The following KLHL8 variants were observed in gnomAD, a reference collection of about 807,000 sequenced individuals.
KLHL8 encodes kelch like family member 8, also known as kelch-like protein 8.
A neutral mutation model predicts 63.5 loss-of-function variants in KLHL8; 38 were observed. That is an observed-to-expected ratio of 0.60 (90% confidence interval 0.46 to 0.78). The LOEUF is 0.78. KLHL8 is among the 30% of genes least tolerant of loss of function. The pLI is 0.00. For missense variants in KLHL8, 566 were observed against 752.4 expected, an observed-to-expected ratio of 0.75 and a Z score of 2.90; for synonymous variants, 224 against 254.3, an observed-to-expected ratio of 0.88 and a Z score of 1.13.
At chr4:87,216,583 G>A (rs1732604250) in intron 1 of KLHL8, among the ~76,000 whole-genome samples, 1 of 152,094 alleles carries the variant, frequency 6.6e-6, no homozygotes, top group African/African-American at 2.4e-5. Context: ...GACCATTTAT[G>A]CTCACGCTAA....
chr4:87,226,835 ATAAT>A lies in KLHL8; in HGVS notation n.58-5449_58-5446del, dbSNP rs1336756545. On this transcript the variant is annotated intron_variant and non_coding_transcript_variant, in intron 1 of 1. Coordinates refer to the KLHL8 transcript ENST00000506274. ...TATATATAATATATATTATTTATAAATAATATATATATTATATATAAATAATATA... is the reference window on the plus strand; with the variant it reads ...TATATATAATATATATTATTTATAAAATATATATTATATATAAATAATATA... Among the ~76,000 whole-genome samples, 20 of 8,654 alleles carry A rather than the reference ATAAT, an allele frequency of 2.3e-3. 7 individuals carry two copies. The highest frequency in any genetic ancestry group is 5.4e-3 in the South Asian group (2 of 368). The allele number at this position is 8,654 out of a possible 152,430, so 5.7% of individuals were successfully genotyped here.
At chr4:87,226,829 T>TTATAAATAATATATATATTATA (rs1733013902) in intron 1 of KLHL8, among the ~76,000 whole-genome samples, 1 of 5,392 alleles carries the variant, frequency 1.9e-4, no homozygotes, top group Non-Finnish European at 2.7e-4. Context: ...TATATATTAT[T>TTATAAATAATATATATATTATA]TATAAATAAT....
Position 87,162,356 on chromosome 4 carries a change from A to C in KLHL8, c.*1163T>G, listed in dbSNP as rs1730207547. The C allele has an allele frequency of 6.6e-6, 1 of 152,240 alleles. No homozygotes were observed. Among genetic ancestry groups the C allele is most frequent in the Admixed American group, 6.5e-5 (1 of 15,284 alleles). The allele number at this position is 152,240 out of a possible 1,614,324, so 9.4% of individuals were successfully genotyped here. A position where few individuals can be genotyped will look rare whatever the true frequency, so the allele number is the denominator to read the frequency against. ...TAGGTCCATCAATATCCTGGCTTCAAATCAATATGTAGAAATATTTTTAAT... is the reference window on the plus strand; with the variant it reads ...TAGGTCCATCAATATCCTGGCTTCACATCAATATGTAGAAATATTTTTAAT... On this transcript the variant is annotated 3_prime_UTR_variant, in exon 10 of 10. Transcript: ENST00000273963.
intron 4 of KLHL8, among the ~76,000 whole-genome samples, chr4:87,179,187 A>C (rs912942094): frequency 2.0e-5 from 3 of 152,168 alleles, no homozygotes; most frequent in Non-Finnish European, 4.4e-5. Flanking sequence ...AGACACCTCA[A>C]ACCCAACAAG....
chr4:87,195,385 T>A lies in KLHL8; in HGVS notation c.155A>T (p.Asp52Val). Reference protein sequence around the residue: ...FIFEANEAWKDFHGSLLRFYE... With the variant: ...FIFEANEAWKVFHGSLLRFYE... ...AAATCGAAGAAGAGAACCATGAAAA[T>A]CTTTCCAAGCTTCATTTGCTTCAAA... The change falls in exon 2 of 10, where the codon GAT becomes GTT. Residue 52 changes from aspartate to valine, a missense_variant. Physicochemically the swap from Asp to Val is radical, Grantham distance 152 (BLOSUM62 -3). Transcript: ENST00000273963. 6.2e-7 allele frequency: 1 copy of A among 1,613,560 alleles called. No individual in the cohort carries two copies. The highest frequency in any genetic ancestry group is 8.5e-7 in the Non-Finnish European group (1 of 1,179,894).
chr4:87,208,691 T>C (rs1295333638), intron 1 of KLHL8, among the ~76,000 whole-genome samples: 1 of 152,214 alleles, frequency 6.6e-6, no homozygotes. Context: ...ATGAGTATTA[T>C]GACAGCAGGT....
chr4:87,226,587 A>ATAAATAATATATATATTATT (rs1732979815), intron 1 of KLHL8, among the ~76,000 whole-genome samples: 6 of 84,796 alleles, frequency 7.1e-5, no homozygotes, highest in Non-Finnish European at 1.1e-4. Context: ...CTCTCTCTAT[A>ATAAATAATATATATATTATT]TATATAAATA....
At chr4:87,216,431 T>C (rs891506927) in intron 1 of KLHL8, among the ~76,000 whole-genome samples, 9 of 152,220 alleles carry the variant, frequency 5.9e-5, no homozygotes, top group African/African-American at 2.2e-4. Context: ...CCTAGATCAT[T>C]GAAGCTAGTG....
At chr4:87,239,203 T>A (rs1733286717) in intron 1 of KLHL8, among the ~76,000 whole-genome samples, 1 of 152,154 alleles carries the variant, frequency 6.6e-6, no homozygotes, top group Admixed American at 6.5e-5. Context: ...GATAGAAGAG[T>A]TCCTTCAAAA....
intron 2 of KLHL8, among the ~76,000 whole-genome samples, chr4:87,188,491 C>T (rs1731349831): frequency 6.6e-6 from 1 of 152,118 alleles, no homozygotes; most frequent in Non-Finnish European, 1.5e-5. Flanking sequence ...CTTTACAATT[C>T]CATTTGAGTC....
intron 1 of KLHL8, among the ~76,000 whole-genome samples, chr4:87,233,480 C>T (rs1429522437): frequency 6.6e-6 from 1 of 151,910 alleles, no homozygotes; most frequent in Non-Finnish European, 1.5e-5. Flanking sequence ...GGCTGAGACA[C>T]GAGAATGGCT....
chr4:87,209,487 C>G (rs879431010), intron 1 of KLHL8, among the ~76,000 whole-genome samples: 1 of 152,092 alleles, frequency 6.6e-6, no homozygotes, highest in South Asian at 2.1e-4. Flanking sequence ...CAGAAGCAGA[C>G]AGGTTTATAG....
rs1430040473 is a variant in KLHL8 at position 87,185,371 on chromosome 4, C to T, written c.645G>A (p.Lys215=). 1 of 1,614,160 alleles carries T rather than the reference C, an allele frequency of 6.2e-7. No individual in the cohort carries two copies. Among genetic ancestry groups the T allele is most frequent in the Non-Finnish European group, 8.5e-7 (1 of 1,180,030 alleles). ...FVSVSPQHLH[K]LLSSSDLNIE... ...TATTTAGATCACTGGAGGACAAAAG[C>T]TTATGGAGGTGCTGCGGTGATACAC... Residue 215 remains lysine, a synonymous_variant, in exon 3 of 10, where the codon AAG becomes AAA. Transcript: ENST00000273963.
chr4:87,199,578 A>G (rs780684200), intron 1 of KLHL8, among the ~76,000 whole-genome samples: 1 of 152,092 alleles, frequency 6.6e-6, no homozygotes, highest in Non-Finnish European at 1.5e-5. Context: ...TACAGAATGG[A>G]AGAAAATAGT....
chr4:87,207,658 T>C (rs1206629263), intron 1 of KLHL8: 3 of 1,168,046 alleles, frequency 2.6e-6, no homozygotes, highest in Non-Finnish European at 3.8e-6. Flanking sequence ...GGATGGCCCC[T>C]CTGGGAAACT....
At chr4:87,228,184 T>C (rs1233186693) in intron 1 of KLHL8, among the ~76,000 whole-genome samples, 1 of 152,188 alleles carries the variant, frequency 6.6e-6, no homozygotes, top group Non-Finnish European at 1.5e-5. Flanking sequence ...TTTCTCTTCA[T>C]TTGGCTGATA....
At chr4:87,226,976 AATAATAT>A (rs1426840302) in intron 1 of KLHL8, among the ~76,000 whole-genome samples, 7 of 68,264 alleles carry the variant, frequency 1.0e-4, no homozygotes, top group South Asian at 3.7e-4. Flanking sequence ...ATTATATATA[AATAATAT>A]ATAATATATA....
Position 87,183,334 on chromosome 4 carries a change from T to C in KLHL8, c.821A>G (p.Gln274Arg), listed in dbSNP as rs1321707941. Residue 274 changes from glutamine (Q) to arginine (R), a missense_variant, in exon 4 of 10, where the codon CAG becomes CGG. By Grantham distance (43) the Gln-to-Arg change is conservative (BLOSUM62 1). Transcript: ENST00000273963. ...DFLMGVVAKE[Q>R]IVKQNLKCRD... ...ACATTTTAGATTTTGCTTGACAATCTGTTCTTTTGCCACAACACCCATAAG... is the reference window on the plus strand; with the variant it reads ...ACATTTTAGATTTTGCTTGACAATCCGTTCTTTTGCCACAACACCCATAAG... 1.9e-6 allele frequency: 3 copies of C among 1,613,300 alleles called. No homozygotes were observed. Among genetic ancestry groups the C allele is most frequent in the East Asian group, 2.2e-5 (1 of 44,870 alleles).
chr4:87,199,736 T>C (rs952426038), intron 1 of KLHL8, among the ~76,000 whole-genome samples: 1 of 151,862 alleles, frequency 6.6e-6, no homozygotes, highest in Non-Finnish European at 1.5e-5. Flanking sequence ...TGAATGACTG[T>C]AGTCCCAGCT....
Sources: gnomAD v4.1 joint callset for allele counts (sites outside exome capture counted in the v4.1 genomes callset) on GRCh38, gnomAD v4.1.1 for gene constraint, MANE v1.5 for transcripts, NCBI Gene and HGNC (gene_info 2026-07-23, HGNC 2026-07-21) for gene names.